PDE1C: variants seen among roughly 807,000 people sequenced by gnomAD.
PDE1C encodes the protein phosphodiesterase 1C, also known as dual specificity calcium/calmodulin-dependent 3',5'-cyclic nucleotide phosphodiesterase 1C.
Under a neutral mutation model 93.1 loss-of-function variants are expected in PDE1C, and 62 were observed. The ratio of observed to expected loss-of-function variants is 0.67; its 90% CI spans 0.54 to 0.82. The LOEUF (loss-of-function observed/expected upper bound fraction) is 0.82, where lower values mean the gene tolerates loss of function less well. Ranked by LOEUF, PDE1C falls within the 40% of genes least tolerant of loss-of-function variation. The probability of loss-of-function intolerance (pLI) is 0.00; values close to 1 mark genes in which losing one functional copy is unlikely to be tolerated. For synonymous variants in PDE1C, 325 were observed against 310.1 expected (o/e 1.05, Z -0.50); for missense variants, 742 against 884.6 (o/e 0.84, Z 2.04).
chr7:31,693,957 A>C, the PDE1C span, among the ~76,000 whole-genome samples: 1 of 152,238 alleles, frequency 6.6e-6, no homozygotes, highest in Admixed American at 6.5e-5. Context: ...TGTCCAAAGA[A>C]GACAAAAAGT....
At chr7:31,973,019 G>A (rs1811172868) in intron 2 of PDE1C, among the ~76,000 whole-genome samples, 1 of 152,144 alleles carries the variant, frequency 6.6e-6, no homozygotes, top group African/African-American at 2.4e-5. Context: ...TTCTGCTCCT[G>A]CAGGCTTGGC....
the PDE1C span, among the ~76,000 whole-genome samples, chr7:31,745,343 T>C: frequency 2.6e-5 from 4 of 152,188 alleles, no homozygotes; most frequent in African/African-American, 9.7e-5. Context: ...ATCCTCTCAT[T>C]ACATTTTCAA....
chr7:31,992,445 G>A (rs1784254937), intron 2 of PDE1C, among the ~76,000 whole-genome samples: 1 of 152,172 alleles, frequency 6.6e-6, no homozygotes, highest in African/African-American at 2.4e-5. Flanking sequence ...GACACTCCTG[G>A]GACTTCCCAA....
At chr7:32,208,162 C>G (rs961732796) in intron 2 of PDE1C, among the ~76,000 whole-genome samples, 1 of 152,192 alleles carries the variant, frequency 6.6e-6, no homozygotes, top group Non-Finnish European at 1.5e-5. Flanking sequence ...TACATTATTA[C>G]AGTTCTATAA....
the PDE1C span, among the ~76,000 whole-genome samples, chr7:31,681,864 C>T: frequency 6.6e-6 from 1 of 152,146 alleles, no homozygotes; most frequent in Admixed American, 6.5e-5. Flanking sequence ...TGAAATTCAC[C>T]AAGGAAGTCA....
intron 2 of PDE1C, among the ~76,000 whole-genome samples, chr7:32,179,980 C>T (rs1803283711): frequency 6.6e-6 from 1 of 152,108 alleles, no homozygotes. Context: ...TAGCCTTCCT[C>T]TCCTTTGGAG....
chr7:32,426,771 T>G (rs947039138), intron 1 of PDE1C, among the ~76,000 whole-genome samples: 1 of 152,194 alleles, frequency 6.6e-6, no homozygotes, highest in Non-Finnish European at 1.5e-5. Flanking sequence ...TTTTAATATT[T>G]TGAAAACTTT....
At chr7:32,170,504 G>A (rs971112049) in intron 2 of PDE1C, among the ~76,000 whole-genome samples, 3 of 152,164 alleles carry the variant, frequency 2.0e-5, no homozygotes, top group African/African-American at 4.8e-5. Context: ...TGGAAGCGGT[G>A]TCTACAAAAG....
At chr7:31,970,748 T>C (rs373217630) in intron 2 of PDE1C, among the ~76,000 whole-genome samples, 2 of 152,260 alleles carry the variant, frequency 1.3e-5, no homozygotes, top group Non-Finnish European at 2.9e-5. Context: ...GGGGAAAGAC[T>C]GTTTAAAGCA....
At chr7:31,732,800 A>T in the PDE1C span, among the ~76,000 whole-genome samples, 1 of 152,074 alleles carries the variant, frequency 6.6e-6, no homozygotes, top group African/African-American at 2.4e-5. Context: ...ATAATGGTAA[A>T]CTGTAACCCA....
At chr7:31,628,455 TTTTTTC>T in the PDE1C span, among the ~76,000 whole-genome samples, 24 of 149,670 alleles carry the variant, frequency 1.6e-4, no homozygotes, top group African/African-American at 5.3e-4. Context: ...TTCCTTTTTT[TTTTTTC>T]TTTTTTTTTC....
At chr7:31,949,747 A>C (rs6950291) in intron 2 of PDE1C, among the ~76,000 whole-genome samples, 14,736 of 152,228 alleles carry the variant, frequency 0.097, 1,193 homozygotes, top group African/African-American at 0.23. Flanking sequence ...ATTTTTATTT[A>C]TGAGTTTGAC....
intron 3 of PDE1C, among the ~76,000 whole-genome samples, chr7:32,112,304 C>G (rs1256782210): frequency 6.6e-6 from 1 of 151,926 alleles, no homozygotes; most frequent in African/African-American, 2.4e-5. Context: ...CCTCCTTCTC[C>G]TCTTCTTCTT....
intron 2 of PDE1C, among the ~76,000 whole-genome samples, chr7:32,171,606 G>A (rs1802657961): frequency 6.7e-6 from 1 of 149,782 alleles, no homozygotes; most frequent in South Asian, 2.1e-4. Context: ...TTTACTTAAT[G>A]TTATTATTAT....
chr7:32,327,775 A>G (rs1185729878), intron 1 of PDE1C, among the ~76,000 whole-genome samples: 8 of 150,496 alleles, frequency 5.3e-5, no homozygotes, highest in Admixed American at 2.6e-4. Flanking sequence ...GTCTCAAAAA[A>G]AAAAAAAAAA....
chr7:32,125,274 T>C (rs1301436403), intron 3 of PDE1C, among the ~76,000 whole-genome samples: 2 of 152,308 alleles, frequency 1.3e-5, no homozygotes, highest in East Asian at 3.9e-4. Flanking sequence ...TTGGTGGGAA[T>C]GTAAATTAGT....
downstream of PDE1C, among the ~76,000 whole-genome samples, chr7:31,748,028 G>A (rs1440398708): frequency 7.2e-6 from 1 of 139,284 alleles, no homozygotes; most frequent in Non-Finnish European, 1.6e-5. Flanking sequence ...TGGTCCCTGA[G>A]CAAGGAAGGG....
intron 2 of PDE1C, among the ~76,000 whole-genome samples, chr7:31,985,793 G>A (rs1371365021): frequency 1.3e-5 from 2 of 152,168 alleles, no homozygotes; most frequent in Non-Finnish European, 2.9e-5. Flanking sequence ...GTGTATGTGT[G>A]TCACATTTTC....
chr7:32,311,497 A>T (rs557281469), intron 1 of PDE1C, among the ~76,000 whole-genome samples: 78 of 152,314 alleles, frequency 5.1e-4, no homozygotes, highest in African/African-American at 1.8e-3. Context: ...TTGATGCAAA[A>T]ATCCTCAATA....
Sources: gnomAD v4.1 joint callset for allele counts (sites outside exome capture counted in the v4.1 genomes callset) on GRCh38, gnomAD v4.1.1 for gene constraint, MANE v1.5 for transcripts, NCBI Gene and HGNC (gene_info 2026-07-23, HGNC 2026-07-21) for gene names.